CFAP299: variants seen among roughly 807,000 people sequenced by gnomAD.
CFAP299 encodes the protein cilia- and flagella-associated protein 299.
In CFAP299, 21 loss-of-function variants were observed where a neutral mutation model predicts 27.0. That is an observed-to-expected ratio of 0.78 (90% CI 0.55 to 1.12). CFAP299 has a LOEUF of 1.12. CFAP299 is among the 50% of genes most tolerant of loss of function. The pLI, the probability that CFAP299 is intolerant of heterozygous loss-of-function variation, is 0.00. For synonymous variants in CFAP299, 104 were observed against 98.1 expected, an observed-to-expected ratio of 1.06 and a Z score of -0.36; for missense variants, 310 against 276.6, an observed-to-expected ratio of 1.12 and a Z score of -0.86.
intron 4 of CFAP299, among the ~76,000 whole-genome samples, chr4:80,936,775 C>T (rs1169924078): frequency 6.6e-6 from 1 of 151,652 alleles, no homozygotes; most frequent in East Asian, 1.9e-4. Flanking sequence ...CACATGTACT[C>T]CTGTACCTAA....
chr4:80,375,832 A>G (rs1560536315), intron 2 of CFAP299, among the ~76,000 whole-genome samples: 1 of 152,232 alleles, frequency 6.6e-6, no homozygotes, highest in African/African-American at 2.4e-5. Context: ...CCCAGAAAAC[A>G]ATATGTCATG....
At chr4:80,869,672 C>T (rs754885351) in intron 3 of CFAP299, among the ~76,000 whole-genome samples, 1 of 152,090 alleles carries the variant, frequency 6.6e-6, no homozygotes, top group Non-Finnish European at 1.5e-5. Context: ...CTCCACCACG[C>T]CCGGCTAATT....
intron 2 of CFAP299, among the ~76,000 whole-genome samples, chr4:80,457,706 C>G (rs1729234279): frequency 6.6e-6 from 1 of 152,092 alleles, no homozygotes. Context: ...TAACCACATG[C>G]TACTGTAGCA....
At chr4:80,550,129 A>C (rs1465316288) in intron 2 of CFAP299, among the ~76,000 whole-genome samples, 2 of 152,026 alleles carry the variant, frequency 1.3e-5, no homozygotes, top group Non-Finnish European at 2.9e-5. Context: ...ATAGGGATTA[A>C]AAAATGCAGC....
chr4:80,342,710 A>G (rs1436911955), intron 1 of CFAP299, among the ~76,000 whole-genome samples: 1 of 152,226 alleles, frequency 6.6e-6, no homozygotes, highest in Non-Finnish European at 1.5e-5. Context: ...AGCCACTACA[A>G]AAACACACTG....
chr4:80,909,568 T>C (rs1475200911), intron 4 of CFAP299, among the ~76,000 whole-genome samples: 1 of 152,006 alleles, frequency 6.6e-6, no homozygotes, highest in African/African-American at 2.4e-5. Context: ...GTTTTTACTG[T>C]GAATCTTTCT....
At chr4:80,952,390 G>A (rs17346654) in intron 5 of CFAP299, among the ~76,000 whole-genome samples, 17,605 of 152,140 alleles carry the variant, frequency 0.12, 1,164 homozygotes, top group Non-Finnish European at 0.16. Context: ...AACTACCAGA[G>A]TAATTGACTC....
chr4:80,328,795 G>C, the CFAP299 span, among the ~76,000 whole-genome samples: 1 of 152,130 alleles, frequency 6.6e-6, no homozygotes, highest in East Asian at 1.9e-4. Flanking sequence ...GAAAGTTTAA[G>C]TTAGAATATT....
chr4:80,386,483 C>T lies in CFAP299; in HGVS notation c.242+23599C>T, dbSNP rs986979334. 16 of 1,543,388 alleles carry T rather than the reference C, an allele frequency of 1.0e-5. No individual in the cohort carries two copies. The African/African-American group carries it at 1.3e-4, about 12-fold the overall frequency. ...TGCGCCCACCACTGCCGCCACGGCG[C>T]GGGGCTGCCCTCTTCTCGCGGGCGG... On this transcript the variant is annotated intron_variant, in intron 2 of 5. Coordinates refer to ENST00000358105, the MANE Select transcript of CFAP299 (RefSeq NM_152770.3).
chr4:80,381,943 A>C (rs1357868145), intron 2 of CFAP299, among the ~76,000 whole-genome samples: 1 of 152,224 alleles, frequency 6.6e-6, no homozygotes, highest in Non-Finnish European at 1.5e-5. Context: ...GCATTCCTAC[A>C]AAAGAATTTG....
chr4:80,571,944 A>G (rs1029562840), intron 2 of CFAP299, among the ~76,000 whole-genome samples: 2 of 152,190 alleles, frequency 1.3e-5, no homozygotes, highest in African/African-American at 4.8e-5. Context: ...TGCCTAATAC[A>G]GAGCAAATAC....
intron 4 of CFAP299, among the ~76,000 whole-genome samples, chr4:80,883,842 TTTTGTTTG>T (rs59740725): frequency 7.9e-5 from 12 of 152,078 alleles, no homozygotes; most frequent in Non-Finnish European, 7.4e-5. Flanking sequence ...TAGTCCACTT[TTTTGTTTG>T]TTTGTTTGTT....
chr4:80,718,208 A>T (rs1722602348), intron 3 of CFAP299, among the ~76,000 whole-genome samples: 1 of 152,136 alleles, frequency 6.6e-6, no homozygotes, highest in Non-Finnish European at 1.5e-5. Context: ...CACTGTACTT[A>T]AAAATATGGA....
intron 2 of CFAP299, among the ~76,000 whole-genome samples, chr4:80,409,872 G>T (rs1994982): frequency 2.0e-5 from 3 of 152,072 alleles, no homozygotes; most frequent in Admixed American, 1.3e-4. Flanking sequence ...TATCAAGAGA[G>T]GGATACAGAA....
chr4:80,700,434 C>T (rs1717399958), intron 3 of CFAP299, among the ~76,000 whole-genome samples: 1 of 151,874 alleles, frequency 6.6e-6, no homozygotes, highest in Non-Finnish European at 1.5e-5. Flanking sequence ...GGTGGTGGTA[C>T]CGCTAACTAG....
chr4:80,870,245 A>AT, intron 4 of CFAP299, 110 bp downstream of exon 4: 1 of 1,341,164 alleles, frequency 7.5e-7, no homozygotes, highest in Non-Finnish European at 9.7e-7. Context: ...AATGTGATAT[A>AT]ACTGGTTATT....
chr4:80,646,538 G>C (rs985239298), intron 3 of CFAP299, among the ~76,000 whole-genome samples: 2 of 152,064 alleles, frequency 1.3e-5, no homozygotes, highest in South Asian at 2.1e-4. Context: ...TCTTGTATAA[G>C]CCAGTTTAAT....
intron 2 of CFAP299, among the ~76,000 whole-genome samples, chr4:80,372,248 C>A (rs888863380): frequency 6.6e-6 from 1 of 152,352 alleles, no homozygotes; most frequent in Admixed American, 6.5e-5. Context: ...AACTCACTGT[C>A]ACAAGGACAG....
At chr4:80,472,633 A>AGGACAGTCGAGTGGCAGCCGGCT (rs1730063018) in intron 2 of CFAP299, among the ~76,000 whole-genome samples, 1 of 152,198 alleles carries the variant, frequency 6.6e-6, no homozygotes, top group Non-Finnish European at 1.5e-5. Context: ...ACTTACACGT[A>AGGACAGTCGAGTGGCAGCCGGCT]GGACAGTCGA....
Sources: gnomAD v4.1 joint callset for allele counts (sites outside exome capture counted in the v4.1 genomes callset) on GRCh38, gnomAD v4.1.1 for gene constraint, MANE v1.5 for transcripts, NCBI Gene and HGNC (gene_info 2026-07-23, HGNC 2026-07-21) for gene names.